The following SOX6 variants were observed in gnomAD, a reference collection of about 807,000 sequenced individuals.
SOX6 encodes transcription factor SOX-6.
In SOX6, 11 loss-of-function variants were observed where a neutral mutation model predicts 97.8. The observed-to-expected ratio is 0.11, with a 90% CI of 0.07 to 0.19. SOX6 has a LOEUF of 0.19. Ranked by LOEUF, SOX6 falls within the 10% of genes least tolerant of loss-of-function variation. SOX6 has a pLI of 1.00. For synonymous variants in SOX6, 360 were observed against 371.4 expected (o/e 0.97, Z 0.35); for missense variants, 810 against 1,039.5 (o/e 0.78, Z 3.04).
chr11:16,053,800 G>A (rs1847745805), intron 10 of SOX6, among the ~76,000 whole-genome samples: 1 of 152,042 alleles, frequency 6.6e-6, no homozygotes, highest in Admixed American at 6.6e-5. Context: ...GTTATATACA[G>A]AGAAAAAGCA....
intron 4 of SOX6, among the ~76,000 whole-genome samples, chr11:16,562,728 C>T (rs866653546): frequency 4.6e-5 from 7 of 152,172 alleles, no homozygotes; most frequent in Middle Eastern, 6.8e-3. Flanking sequence ...CCACTTCTCC[C>T]GCAGAATGGT....
chr11:16,508,907 T>C (rs1478758597), intron 4 of SOX6, among the ~76,000 whole-genome samples: 1 of 152,100 alleles, frequency 6.6e-6, no homozygotes, highest in Non-Finnish European at 1.5e-5. Context: ...ATGATCATTA[T>C]ACACTCTAGG....
rs570427491 is a variant in SOX6, at chr11:16,501,030, G to A, written n.610-24642C>T. ...AATCCTAAGCCAAAAGAACAAAGAT[G>A]GAAGCACCACGCTACCTGACTTCAA... On this transcript the variant is annotated intron_variant and non_coding_transcript_variant, in intron 4 of 5. Coordinates refer to the SOX6 transcript ENST00000524520. 2.6e-4 allele frequency among the ~76,000 whole-genome samples: 40 copies of A among 152,242 alleles called. No individual in the cohort carries two copies. The East Asian group carries it at 7.5e-3, about 29-fold the overall frequency.
At chr11:16,231,619 A>C (rs1032810160) in intron 4 of SOX6, among the ~76,000 whole-genome samples, 1 of 151,840 alleles carries the variant, frequency 6.6e-6, no homozygotes, top group African/African-American at 2.4e-5. Context: ...TGGCCCAGGA[A>C]TTTCACTTTC....
chr11:16,640,200 G>A (rs548067468), intron 3 of SOX6, among the ~76,000 whole-genome samples: 5 of 152,196 alleles, frequency 3.3e-5, no homozygotes, highest in East Asian at 1.9e-4. Context: ...CTGTTTATAC[G>A]CTGGATTACA....
intron 7 of SOX6, among the ~76,000 whole-genome samples, chr11:16,111,015 G>A (rs190122180): frequency 6.6e-6 from 1 of 152,284 alleles, no homozygotes; most frequent in East Asian, 1.9e-4. Context: ...CTTCTGAGCT[G>A]AGGTCACTTA....
chr11:16,555,889 T>C (rs558423058), intron 4 of SOX6, among the ~76,000 whole-genome samples: 1 of 151,848 alleles, frequency 6.6e-6, no homozygotes, highest in South Asian at 2.1e-4. Context: ...TCCAGATAAT[T>C]CTTTTCATAT....
At position 16,006,983 on chromosome 11, in the gene SOX6, T is replaced by A. The variant is rs539085938; in HGVS notation, c.1732+7959A>T. On this transcript the variant is annotated intron_variant, in intron 13 of 15. Transcript: ENST00000683767. ...GAGATTCAGTCTACAGAGACCCACC[T>A]CTAAAGAGGCTGAAAATAGACAGCA... Among the ~76,000 whole-genome samples, 33 of 152,026 alleles carry A rather than the reference T, an allele frequency of 2.2e-4. No homozygotes were observed. The South Asian group carries it at 2.3e-3, about 11-fold the overall frequency.
intron 1 of SOX6, among the ~76,000 whole-genome samples, chr11:16,463,099 A>G (rs1186819264): frequency 1.3e-5 from 2 of 152,184 alleles, no homozygotes; most frequent in Non-Finnish European, 2.9e-5. Context: ...ATTTTATCAG[A>G]TAAATTTGTA....
intron 4 of SOX6, among the ~76,000 whole-genome samples, chr11:16,569,214 T>G (rs1847910797): frequency 6.6e-6 from 1 of 152,184 alleles, no homozygotes. Context: ...TAAAATTAAT[T>G]TCAATCATTT....
chr11:16,500,045 A>G (rs139858580), intron 4 of SOX6, among the ~76,000 whole-genome samples: 13,787 of 152,224 alleles, frequency 0.091, 790 homozygotes, highest in Non-Finnish European at 0.13. Flanking sequence ...GATGAACATC[A>G]ATGCAAAAAT....
At chr11:16,122,342 CAGAGAAGTATGAAACATATT>C (rs1409667074) in intron 6 of SOX6, among the ~76,000 whole-genome samples, 1 of 151,896 alleles carries the variant, frequency 6.6e-6, no homozygotes, top group Admixed American at 6.6e-5. Context: ...GTCTTATTTC[CAGAGAAGTATGAAACATATT>C]AGAGACTAAT....
At chr11:16,402,618 T>C in intron 1 of SOX6, 3 of 1,551,074 alleles carry the variant, frequency 1.9e-6, no homozygotes, top group Non-Finnish European at 2.7e-6. Flanking sequence ...CAGACTGAAG[T>C]TACCCTTTCA....
chr11:16,564,154 C>T (rs1482661577), intron 4 of SOX6, among the ~76,000 whole-genome samples: 3 of 152,088 alleles, frequency 2.0e-5, no homozygotes, highest in East Asian at 3.8e-4. Context: ...AATGTTGAAA[C>T]ATCAGGAAGG....
At chr11:16,678,964 C>T (rs1197143953) in intron 3 of SOX6, among the ~76,000 whole-genome samples, 2 of 152,306 alleles carry the variant, frequency 1.3e-5, no homozygotes, top group East Asian at 1.9e-4. Flanking sequence ...CCAGGAAGCT[C>T]GAACTGGGTG....
chr11:16,398,583 G>A (rs1420461217), intron 1 of SOX6, among the ~76,000 whole-genome samples: 3 of 151,380 alleles, frequency 2.0e-5, no homozygotes, highest in African/African-American at 7.3e-5. Flanking sequence ...ACTAGAATCT[G>A]TTCTTTAACT....
At chr11:16,264,922 GAGCAGT>G (rs940459981) in intron 3 of SOX6, 23 of 148,980 alleles carry the variant, frequency 1.5e-4, no homozygotes, top group Non-Finnish European at 2.7e-4. Flanking sequence ...AAGCAACAAA[GAGCAGT>G]ATCCCTTGAG....
intron 3 of SOX6, among the ~76,000 whole-genome samples, chr11:16,248,026 G>A (rs2134194688): frequency 6.6e-6 from 1 of 152,232 alleles, no homozygotes; most frequent in East Asian, 1.9e-4. Flanking sequence ...GGAGAAATTG[G>A]CCAAAACAAA....
intron 4 of SOX6, among the ~76,000 whole-genome samples, chr11:16,493,902 T>A (rs1307848415): frequency 6.6e-6 from 1 of 152,124 alleles, no homozygotes; most frequent in African/African-American, 2.4e-5. Flanking sequence ...CATAATTCCA[T>A]CTCTAGAAAT....
Sources: gnomAD v4.1 joint callset for allele counts (sites outside exome capture counted in the v4.1 genomes callset) on GRCh38, gnomAD v4.1.1 for gene constraint, MANE v1.5 for transcripts, NCBI Gene and HGNC (gene_info 2026-07-23, HGNC 2026-07-21) for gene names.